The following SMUG1 variants were observed in gnomAD, a reference collection of about 807,000 sequenced individuals.
The protein encoded by SMUG1 is single-strand-selective monofunctional uracil-DNA glycosylase 1.
SMUG1 carries 13 observed loss-of-function variants against 23.9 expected under a neutral mutation model. The observed-to-expected ratio is 0.54, with a 90% confidence interval of 0.35 to 0.86. The LOEUF is 0.86. Among genes scored for constraint, SMUG1 ranks in the 40% least tolerant of loss-of-function variants. The pLI is 0.01. For missense variants in SMUG1, 313 were observed against 339.5 expected (o/e 0.92, Z 0.61); for synonymous variants, 133 against 139.8 (o/e 0.95, Z 0.34).
At chr12:54,175,933 A>G (rs1389389389), downstream of SMUG1, among the ~76,000 whole-genome samples, 1 of 152,222 alleles carries the variant, frequency 6.6e-6, no homozygotes, top group African/African-American at 2.4e-5. Flanking sequence ...AAAGACAGAG[A>G]TAAAAGGCCG....
rs375200213 is a variant in SMUG1 at position 54,182,056 on chromosome 12, C to T, written c.*40G>A. On this transcript the variant is annotated 3_prime_UTR_variant, in exon 4 of 4. Coordinates refer to ENST00000682136, the MANE Select transcript of SMUG1 (RefSeq NM_001243787.2). ...TCATCTGCTTGGCCAAGAATGACTT[C>T]GAGGTCTTGAATGTGTCCCATGCAA... The T allele has an allele frequency of 2.0e-5, 30 of 1,514,692 alleles. No individual in the cohort carries two copies. The East Asian group carries it at 3.2e-4, about 16-fold the overall frequency. The allele number at this position is 1,514,692 out of a possible 1,614,324, so 93.8% of individuals were successfully genotyped here.
rs1296058917 is a variant in SMUG1, at chr12:54,180,768, AC to A, written c.*1327del. On this transcript the variant is annotated 3_prime_UTR_variant, in exon 4 of 4. Transcript: ENST00000682136. ...TTTGGGAGGCCAAGACAGGTGGATT[AC>A]TTGAAGTCAGGAGTTTGAGACCAGC... The A allele has an allele frequency of 1.3e-5, 2 of 152,248 alleles. No homozygotes were observed. The highest frequency in any genetic ancestry group is 4.8e-5 in the African/African-American group (2 of 41,458). 9.4% of individuals were successfully genotyped at this position (152,248 alleles called of 1,614,324 possible).
chr12:54,164,806 A>G (rs1264295367), intron 4 of SMUG1: 1 of 152,232 alleles, frequency 6.6e-6, no homozygotes, highest in East Asian at 1.9e-4. Context: ...TGGAATAATA[A>G]TAGTAGCAGT....
At chr12:54,183,191 C>T (rs1941516756) in intron 3 of SMUG1, 3 of 222,730 alleles carry the variant, frequency 1.3e-5, no homozygotes, top group Non-Finnish European at 2.6e-5. Flanking sequence ...GAAAGAAAAG[C>T]GGGCAGGCAC....
At chr12:54,178,334 C>T (rs550985670), downstream of SMUG1, among the ~76,000 whole-genome samples, 6 of 152,276 alleles carry the variant, frequency 3.9e-5, no homozygotes, top group East Asian at 1.2e-3. Flanking sequence ...GCAACAGCCC[C>T]ACTAGGACCC....
chr12:54,168,572 C>T (rs1381674398), intron 3 of SMUG1: 2 of 152,218 alleles, frequency 1.3e-5, no homozygotes, highest in Non-Finnish European at 2.9e-5. Flanking sequence ...TTCATTTACC[C>T]ATTCAATAAA....
chr12:54,159,624 A>G (rs984788262), intron 4 of SMUG1, among the ~76,000 whole-genome samples: 2 of 152,106 alleles, frequency 1.3e-5, no homozygotes, highest in Non-Finnish European at 2.9e-5. Flanking sequence ...TCTCTTGTGT[A>G]CTTCATAGGT....
intron 2 of SMUG1, among the ~76,000 whole-genome samples, chr12:54,185,560 C>CCCAGT (rs1942260278): frequency 6.6e-6 from 1 of 151,272 alleles, no homozygotes; most frequent in African/African-American, 2.4e-5. Flanking sequence ...TGCCTGTAAT[C>CCCAGT]CCAGTACTTT....
At position 54,185,405 on chromosome 12, in the gene SMUG1, T is replaced by C. The variant is rs553158595; in HGVS notation, c.-19-1446A>G. ...ACTGCCTGAACCCGGGAGGCTGAGGTTGCAGTGAGCCAAGATCGTGCCACT... is the reference window on the plus strand; with the variant it reads ...ACTGCCTGAACCCGGGAGGCTGAGGCTGCAGTGAGCCAAGATCGTGCCACT... On this transcript the variant is annotated intron_variant, in intron 2 of 3. Transcript: ENST00000682136. Among the ~76,000 whole-genome samples the C allele has an allele frequency of 5.5e-3, 821 of 148,232 alleles. 5 individuals carry two copies. The highest frequency in any genetic ancestry group is 1.0e-2 in the Non-Finnish European group (672 of 67,212).
chr12:54,160,329 G>C (rs1196025917), downstream of SMUG1, among the ~76,000 whole-genome samples: 2 of 152,240 alleles, frequency 1.3e-5, no homozygotes, highest in African/African-American at 4.8e-5. Flanking sequence ...GGAGAGAGAG[G>C]AGGCAGGACC....
chr12:54,181,412 C>G lies in SMUG1; in HGVS notation c.*684G>C. 2.7e-6 allele frequency: 2 copies of G among 739,256 alleles called. No homozygotes were observed. Among genetic ancestry groups the G allele is most frequent in the South Asian group, 3.5e-5 (2 of 57,636 alleles). 45.8% of individuals were successfully genotyped at this position (739,256 alleles called of 1,614,324 possible). Reference sequence around the variant, plus strand: ...TGCAAGGCACTTTCAAGTGTGATCTCAGTTAATCCTCACACCAACCCCATA... The same window carrying G: ...TGCAAGGCACTTTCAAGTGTGATCTGAGTTAATCCTCACACCAACCCCATA... On this transcript the variant is annotated 3_prime_UTR_variant, in exon 4 of 4. Transcript: ENST00000682136.
chr12:54,174,701 T>C (rs140969281), intron 2 of SMUG1, among the ~76,000 whole-genome samples: 2 of 152,374 alleles, frequency 1.3e-5, no homozygotes, highest in Non-Finnish European at 2.9e-5. Flanking sequence ...CAGGCCACCA[T>C]GGAGGACTGT....
chr12:54,176,517 A>ACCCCCCCCCCCC (rs1247915453), downstream of SMUG1, among the ~76,000 whole-genome samples: 1 of 74,896 alleles, frequency 1.3e-5, no homozygotes, highest in African/African-American at 5.1e-5. Flanking sequence ...TCCCCCCCCA[A>ACCCCCCCCCCCC]AAAAAAAGGC....
rs180902646 is a variant in SMUG1, at chr12:54,173,965, T to C, written c.399-1856A>G. Among the ~76,000 whole-genome samples the C allele has an allele frequency of 5.9e-5, 9 of 152,216 alleles. No individual in the cohort carries two copies. The East Asian group carries it at 1.7e-3, about 29-fold the overall frequency. The stretch of plus-strand genomic sequence containing the variant: ...ACACTCAATTACACTAGTGTCCATC[T>C]GGAAGACTGAAAACTGCAGAGACAA... On this transcript the variant is annotated intron_variant and NMD_transcript_variant, in intron 2 of 4. Coordinates refer to the SMUG1 transcript ENST00000509864.
intron 4 of SMUG1, among the ~76,000 whole-genome samples, chr12:54,158,433 G>T (rs1326536997): frequency 6.6e-6 from 1 of 152,130 alleles, no homozygotes; most frequent in African/African-American, 2.4e-5. Flanking sequence ...CTCAGAATCA[G>T]AAGAAATCTT....
intron 2 of SMUG1, among the ~76,000 whole-genome samples, chr12:54,174,816 G>C (rs903488073): frequency 6.6e-6 from 1 of 152,362 alleles, no homozygotes; most frequent in Admixed American, 6.5e-5. Flanking sequence ...AAGATGTACA[G>C]GAAAATTCTT....
intron 2 of SMUG1, among the ~76,000 whole-genome samples, chr12:54,185,494 AAAT>A (rs1942197885): frequency 1.2e-5 from 1 of 80,558 alleles, no homozygotes; most frequent in Non-Finnish European, 2.7e-5. Context: ...AAAAATAAAT[AAAT>A]AAATAAATAA....
chr12:54,185,259 C>T (rs920806536), intron 2 of SMUG1, among the ~76,000 whole-genome samples: 8 of 150,994 alleles, frequency 5.3e-5, no homozygotes, highest in Non-Finnish European at 8.8e-5. Context: ...GAGCCAAGAT[C>T]GTGCCATTGC....
chr12:54,160,080 G>A (rs1036054953), downstream of SMUG1, among the ~76,000 whole-genome samples: 31 of 152,202 alleles, frequency 2.0e-4, no homozygotes, highest in African/African-American at 6.8e-4. Flanking sequence ...ACTCACCTGT[G>A]CCTGGGATCC....
Sources: gnomAD v4.1 joint callset for allele counts (sites outside exome capture counted in the v4.1 genomes callset) on GRCh38, gnomAD v4.1.1 for gene constraint, MANE v1.5 for transcripts, NCBI Gene and HGNC (gene_info 2026-07-23, HGNC 2026-07-21) for gene names.